TUBGCP4: variants seen among roughly 807,000 people sequenced by gnomAD.
TUBGCP4 encodes the protein tubulin gamma complex component 4.
Under a neutral mutation model 91.6 loss-of-function variants are expected in TUBGCP4, and 54 were observed. The observed-to-expected ratio is 0.59, with a 90% CI of 0.47 to 0.74. The LOEUF (loss-of-function observed/expected upper bound fraction) is 0.74. Ranked by LOEUF, TUBGCP4 falls within the 30% of genes least tolerant of loss-of-function variation. The pLI is 0.00. For synonymous variants in TUBGCP4, 297 were observed against 302.8 expected, an observed-to-expected ratio of 0.98 and a Z score of 0.20; for missense variants, 593 against 800.9, an observed-to-expected ratio of 0.74 and a Z score of 3.13.
intron 12 of TUBGCP4, 91 bp from the exon 13 acceptor site, chr15:43,397,950 G>T: frequency 7.4e-7 from 1 of 1,352,370 alleles, no homozygotes; most frequent in South Asian, 1.5e-5. Context: ...GTGAGCTCTA[G>T]TTTCATTAAT....
In TUBGCP4 at chr15:43,408,476, A is replaced by G; in HGVS notation, c.*3262A>G. 1 of 260,512 alleles carries G rather than the reference A, an allele frequency of 3.8e-6. No homozygotes were observed. The highest frequency in any genetic ancestry group is 5.2e-5 in the South Asian group (1 of 19,130). The allele number at this position is 260,512 out of a possible 1,614,324, so 16.1% of individuals were successfully genotyped here. ...AGCCTAGGTGACAGAGCAAGACTTC[A>G]TCTTAAAAAACTAAGCCCTATATTA... On this transcript the variant is annotated 3_prime_UTR_variant, in exon 18 of 18. Transcript: ENST00000564079.
chr15:43,406,545 G>T lies in TUBGCP4; in HGVS notation c.*1331G>T, dbSNP rs547845974. ...GCCCTCACAGCAAAGGCGAGTAGTTGTGATGGATCAAATGGCCCACAAAGC... is the reference window on the plus strand; with the variant it reads ...GCCCTCACAGCAAAGGCGAGTAGTTTTGATGGATCAAATGGCCCACAAAGC... On this transcript the variant is annotated 3_prime_UTR_variant, in exon 18 of 18. Transcript: ENST00000564079. 4.2e-5 allele frequency: 19 copies of T among 455,488 alleles called. No individual in the cohort carries two copies. Among genetic ancestry groups the T allele is most frequent in the African/African-American group, 3.6e-4 (18 of 50,160 alleles). 28.2% of individuals were successfully genotyped at this position (455,488 alleles called of 1,614,324 possible). A position where few individuals can be genotyped will look rare whatever the true frequency, so the allele number is the denominator to read the frequency against.
Position 43,407,885 on chromosome 15 carries a change from A to T in TUBGCP4, c.*2671A>T. 6.5e-7 allele frequency: 1 copy of T among 1,535,260 alleles called. No homozygotes were observed. The highest frequency in any genetic ancestry group is 8.8e-7 in the Non-Finnish European group (1 of 1,138,322). Reference sequence around the variant, plus strand: ...TGAGCCTTGGACCACAAGGCCTAACACCTACAGGTCTAAGGAGATCCCTGG... The same window carrying T: ...TGAGCCTTGGACCACAAGGCCTAACTCCTACAGGTCTAAGGAGATCCCTGG... On this transcript the variant is annotated 3_prime_UTR_variant, in exon 18 of 18. Coordinates refer to ENST00000564079, the MANE Select transcript of TUBGCP4 (RefSeq NM_014444.5).
rs2044977584 is a variant in TUBGCP4 at position 43,408,092 on chromosome 15, T to A, written c.*2878T>A. 2 of 1,613,664 alleles carry A rather than the reference T, an allele frequency of 1.2e-6. No individual in the cohort carries two copies. The highest frequency in any genetic ancestry group is 2.2e-5 in the East Asian group (1 of 44,882). ...GAAAGGATTTTCACGGGGTTGCCTA[T>A]GAAGGAGACAGGAAAGGACCTTAGC... On this transcript the variant is annotated 3_prime_UTR_variant, in exon 18 of 18. Transcript: ENST00000564079.
Position 43,383,317 on chromosome 15 carries a change from G to C in TUBGCP4, c.536G>C (p.Cys179Ser), listed in dbSNP as rs1056508934. ...RSALEKILAV[C>S]HGVMYKQLSA... is the part of the protein sequence containing the mutation. ...ACTCTGCCCAGAATCCTGGCCGTTTGTCATGGGGTCATGTATAAACAGCTC... is the reference window on the plus strand; with the variant it reads ...ACTCTGCCCAGAATCCTGGCCGTTTCTCATGGGGTCATGTATAAACAGCTC... The change falls in exon 7 of 18, where the codon TGT becomes TCT. Residue 179 changes from cysteine to serine, a missense_variant. Coordinates refer to ENST00000564079, the MANE Select transcript of TUBGCP4 (RefSeq NM_014444.5). 2 of 1,613,776 alleles carry C rather than the reference G, an allele frequency of 1.2e-6. No homozygotes were observed. Among genetic ancestry groups the C allele is most frequent in the African/African-American group, 2.7e-5 (2 of 75,034 alleles).
chr15:43,394,777 A>G (rs887933321), intron 9 of TUBGCP4: 9 of 350,646 alleles, frequency 2.6e-5, no homozygotes, highest in Non-Finnish European at 3.2e-5. Flanking sequence ...TCTTGCTCCT[A>G]TTCCTGCCAT....
At chr15:43,387,020 C>A (rs2044385813) in intron 9 of TUBGCP4, among the ~76,000 whole-genome samples, 1 of 152,146 alleles carries the variant, frequency 6.6e-6, no homozygotes, top group South Asian at 2.1e-4. Flanking sequence ...TGCAATAACT[C>A]CTAGGAATCA....
At chr15:43,400,384 CATTTT>C (rs1044634598) in intron 14 of TUBGCP4, among the ~76,000 whole-genome samples, 163 bp downstream of exon 14, 7 of 152,130 alleles carry the variant, frequency 4.6e-5, no homozygotes, top group Admixed American at 2.0e-4. Flanking sequence ...ATAAAAAAAG[CATTTT>C]ATTTTATTTT....
intron 9 of TUBGCP4, among the ~76,000 whole-genome samples, chr15:43,390,015 G>A (rs540478846): frequency 2.0e-5 from 3 of 152,084 alleles, no homozygotes; most frequent in East Asian, 1.9e-4. Context: ...ACCTCCCACC[G>A]GGTTCCTCCC....
At chr15:43,400,690 C>T (rs879502201) in intron 14 of TUBGCP4, among the ~76,000 whole-genome samples, 19 of 151,904 alleles carry the variant, frequency 1.3e-4, no homozygotes, top group Non-Finnish European at 2.5e-4. Flanking sequence ...CTGAGATGGG[C>T]GGATCACTTG....
chr15:43,376,199 A>G lies in TUBGCP4; in HGVS notation c.180A>G (p.Glu60=). 6.2e-7 allele frequency: 1 copy of G among 1,613,878 alleles called. No individual in the cohort carries two copies. Among genetic ancestry groups the G allele is most frequent in the Non-Finnish European group, 8.5e-7 (1 of 1,180,006 alleles). ...ATATTCGCTTCACTGAGTTCATTGAACAGTACACGGGCCATGTGCAACAGC... is the reference window on the plus strand; with the variant it reads ...ATATTCGCTTCACTGAGTTCATTGAGCAGTACACGGGCCATGTGCAACAGC... The part of the protein sequence containing the change: ...TDYIRFTEFI[E]QYTGHVQQQD... Residue 60 remains glutamate, a synonymous_variant, in exon 2 of 18, where the codon GAA becomes GAG. Transcript: ENST00000564079.
chr15:43,400,419 A>G (rs1016001862), intron 14 of TUBGCP4, among the ~76,000 whole-genome samples, 198 bp downstream of exon 14: 1 of 152,090 alleles, frequency 6.6e-6, no homozygotes, highest in African/African-American at 2.4e-5. Flanking sequence ...TTTTTTAGAG[A>G]CAGGGTCTTT....
chr15:43,375,974 C>G (rs1002091070), intron 1 of TUBGCP4, 124 bp from the exon 2 acceptor site: 45 of 1,432,708 alleles, frequency 3.1e-5, no homozygotes, highest in Non-Finnish European at 4.2e-5. Flanking sequence ...TTATCCAGAA[C>G]TTAACACCTT....
rs202184979 is a variant in TUBGCP4, at chr15:43,376,186, C to T, written c.167C>T (p.Thr56Ile). 382 of 1,614,066 alleles carry T rather than the reference C, an allele frequency of 2.4e-4. No homozygotes were observed. The highest frequency in any genetic ancestry group is 9.2e-4 in the South Asian group (84 of 91,088). The change falls in exon 2 of 18, where the codon ACT (threonine) becomes ATT (isoleucine). Residue 56 changes from threonine to isoleucine, a missense_variant. Physicochemically the swap from Thr to Ile is moderately conservative, Grantham distance 89. Coordinates refer to ENST00000564079, the MANE Select transcript of TUBGCP4 (RefSeq NM_014444.5). Reference protein sequence around the residue: ...CRLGTDYIRFTEFIEQYTGHV... With the variant: ...CRLGTDYIRFIEFIEQYTGHV... ...CTCGGCACAGACTATATTCGCTTCA[C>T]TGAGTTCATTGAACAGTACACGGGC...
chr15:43,377,877 G>T lies in TUBGCP4; in HGVS notation c.415G>T (p.Val139Leu). 1.2e-6 allele frequency: 2 copies of T among 1,606,970 alleles called. No homozygotes were observed. Among genetic ancestry groups the T allele is most frequent in the South Asian group, 2.2e-5 (2 of 89,086 alleles). ...GCTTCTTTTTCCCTCTGTGATGGTT[G>T]TAGTAGAACAAATTAAAAGTCAAAA... is the stretch of plus-strand genomic sequence containing the variant. The part of the protein sequence containing the change: ...FQLLFPSVMV[V>L]VEQIKSQKIH... The change falls in exon 5 of 18, where the codon GTA becomes TTA. Residue 139 changes from valine to leucine, a missense_variant. Val to Leu is a conservative substitution (Grantham distance 32, BLOSUM62 1). Coordinates refer to ENST00000564079, the MANE Select transcript of TUBGCP4 (RefSeq NM_014444.5).
rs1389993996 is a variant in TUBGCP4, at chr15:43,404,390, C to T, written c.1849-23C>T. ...GAGTTGGTGAGCTGAAGTGGAATGA[C>T]AGCTGAGTCCTTCTCTCTGCAGGGC... On this transcript the variant is annotated intron_variant, in intron 16 of 17. Coordinates refer to ENST00000564079, the MANE Select transcript of TUBGCP4 (RefSeq NM_014444.5). 7 of 1,613,472 alleles carry T rather than the reference C, an allele frequency of 4.3e-6. No individual in the cohort carries two copies. The African/African-American group carries it at 9.3e-5, about 22-fold the overall frequency.
Position 43,409,313 on chromosome 15 carries a change from TA to T in TUBGCP4, c.*4102del, listed in dbSNP as rs1337358044. 6.7e-6 allele frequency: 4 copies of T among 595,378 alleles called. No homozygotes were observed. The highest frequency in any genetic ancestry group is 1.2e-5 in the Non-Finnish European group (4 of 336,424). 36.9% of individuals were successfully genotyped at this position (595,378 alleles called of 1,614,324 possible). ...CCTCACCTGCAGCATACTGAGGACCTAAATCCTCAACGGACAACCAAAACCT... is the reference window on the plus strand; with the variant it reads ...CCTCACCTGCAGCATACTGAGGACCTAATCCTCAACGGACAACCAAAACCT... On this transcript the variant is annotated 3_prime_UTR_variant, in exon 18 of 18. Coordinates refer to ENST00000564079, the MANE Select transcript of TUBGCP4 (RefSeq NM_014444.5).
intron 6 of TUBGCP4, among the ~76,000 whole-genome samples, chr15:43,382,016 G>C (rs1176830213): frequency 2.6e-5 from 4 of 152,008 alleles, no homozygotes; most frequent in Non-Finnish European, 1.5e-5. Context: ...TTGAGCCTAG[G>C]AGACCAGCCC....
In TUBGCP4 at chr15:43,405,394, A is replaced by G; in HGVS notation, c.*180A>G. On this transcript the variant is annotated 3_prime_UTR_variant, in exon 18 of 18. Transcript: ENST00000564079. ...AGTACAACTCCTTCCCATCATTCCC[A>G]TGTGGAAGGGTCTCTCCCATCAAGG... 1.5e-6 allele frequency: 1 copy of G among 653,220 alleles called. No individual in the cohort carries two copies. The highest frequency in any genetic ancestry group is 2.7e-6 in the Non-Finnish European group (1 of 372,972). 40.5% of individuals were successfully genotyped at this position (653,220 alleles called of 1,614,324 possible). A position where few individuals can be genotyped will look rare whatever the true frequency, so the allele number is the denominator to read the frequency against.
Sources: gnomAD v4.1 joint callset for allele counts (sites outside exome capture counted in the v4.1 genomes callset) on GRCh38, gnomAD v4.1.1 for gene constraint, MANE v1.5 for transcripts, NCBI Gene and HGNC (gene_info 2026-07-23, HGNC 2026-07-21) for gene names.